SPTLC3: variants seen among roughly 807,000 people sequenced by gnomAD.
The protein encoded by SPTLC3 is serine palmitoyltransferase 3.
SPTLC3 carries 36 observed loss-of-function variants against 59.3 expected under a neutral mutation model. That is an observed-to-expected ratio of 0.61 (90% CI 0.47 to 0.80). SPTLC3 has a LOEUF of 0.80. Among genes scored for constraint, SPTLC3 ranks in the 30% least tolerant of loss-of-function variants. The pLI is 0.00. For missense variants in SPTLC3, 625 were observed against 685.1 expected, an observed-to-expected ratio of 0.91 and a Z score of 0.98; for synonymous variants, 257 against 240.8, an observed-to-expected ratio of 1.07 and a Z score of -0.62.
chr20:13,121,474 C>T (rs1338868327), intron 8 of SPTLC3, among the ~76,000 whole-genome samples: 7 of 152,282 alleles, frequency 4.6e-5, no homozygotes, highest in African/African-American at 1.7e-4. Flanking sequence ...TGTCTGATTT[C>T]CTCCCAAAAG....
chr20:13,113,444 G>A (rs1990355455), intron 7 of SPTLC3, among the ~76,000 whole-genome samples: 1 of 152,068 alleles, frequency 6.6e-6, no homozygotes, highest in African/African-American at 2.4e-5. Context: ...AACCCCCAAA[G>A]AGAGCAGTCA....
At chr20:13,151,341 C>A (rs1044030414) in intron 9 of SPTLC3, among the ~76,000 whole-genome samples, 4 of 152,162 alleles carry the variant, frequency 2.6e-5, no homozygotes, top group African/African-American at 9.7e-5. Context: ...CTATGATAGA[C>A]CAGTGTATGG....
rs1045487746 is a variant in SPTLC3 at position 13,166,582 on chromosome 20, G to A, written c.*1715G>A. 1.3e-5 allele frequency: 2 copies of A among 152,178 alleles called. No individual in the cohort carries two copies. The highest frequency in any genetic ancestry group is 6.5e-5 in the Admixed American group (1 of 15,270). The allele number at this position is 152,178 out of a possible 1,614,324, so 9.4% of individuals were successfully genotyped here. ...AGTATTATTTGTGCAAATAAAATGT[G>A]TCATAAATATGCAAAGAAAGGGAGA... On this transcript the variant is annotated 3_prime_UTR_variant, in exon 12 of 12. Transcript: ENST00000399002.
At chr20:13,079,572 G>A (rs8119959) in intron 4 of SPTLC3, among the ~76,000 whole-genome samples, 41,841 of 152,150 alleles carry the variant, frequency 0.27, 5,918 homozygotes, top group Middle Eastern at 0.35. Context: ...TGAGTAAAAT[G>A]AAACTACTGA....
intron 8 of SPTLC3, among the ~76,000 whole-genome samples, chr20:13,125,991 C>T (rs1488808856): frequency 6.6e-6 from 1 of 152,178 alleles, no homozygotes. Flanking sequence ...TTCCTTTGTT[C>T]AACTTCTCTC....
chr20:13,049,182 G>T (rs758100424), intron 2 of SPTLC3, 52 bp downstream of exon 2: 1 of 1,592,486 alleles, frequency 6.3e-7, no homozygotes, highest in South Asian at 1.1e-5. Context: ...CCTCTCTAAA[G>T]TGTTCTCAGA....
intron 10 of SPTLC3, among the ~76,000 whole-genome samples, chr20:13,159,169 AG>A (rs2038839954): frequency 2.0e-5 from 3 of 152,240 alleles, no homozygotes; most frequent in African/African-American, 7.2e-5. Context: ...GCTCTGGAAA[AG>A]AAATAGACTA....
rs1299194425 is a variant in SPTLC3, at chr20:13,166,390, G to A, written c.*1523G>A. The A allele has an allele frequency of 1.3e-5, 2 of 152,452 alleles. No homozygotes were observed. Among genetic ancestry groups the A allele is most frequent in the African/African-American group, 4.8e-5 (2 of 41,570 alleles). 9.4% of individuals were successfully genotyped at this position (152,452 alleles called of 1,614,324 possible). Reference sequence around the variant, plus strand: ...ATGGGGAAATTATAACTCCAAGTGGGTGCATTGGTTTAAAAATGGATCACA... The same window carrying A: ...ATGGGGAAATTATAACTCCAAGTGGATGCATTGGTTTAAAAATGGATCACA... On this transcript the variant is annotated 3_prime_UTR_variant, in exon 12 of 12. Transcript: ENST00000399002.
At chr20:13,154,842 A>G (rs1436713378) in intron 10 of SPTLC3, among the ~76,000 whole-genome samples, 1 of 152,162 alleles carries the variant, frequency 6.6e-6, no homozygotes, top group Non-Finnish European at 1.5e-5. Context: ...CCCTTCTCCA[A>G]CCTGCTGGAG....
In SPTLC3 at chr20:13,030,296, T is replaced by C. The variant is rs559275036; in HGVS notation, c.118-18649T>C. The stretch of plus-strand genomic sequence containing the variant: ...GCCTTTTGAATTTTGGTCAGAGACT[T>C]GAAATTTCAGAACCAACTAAGTAAG... On this transcript the variant is annotated intron_variant, in intron 1 of 11. Transcript: ENST00000399002. 4.6e-5 allele frequency among the ~76,000 whole-genome samples: 7 copies of C among 152,354 alleles called. No homozygotes were observed. The South Asian group carries it at 1.4e-3, about 32-fold the overall frequency.
chr20:13,059,771 G>A (rs1987876300), intron 2 of SPTLC3, among the ~76,000 whole-genome samples: 1 of 152,112 alleles, frequency 6.6e-6, no homozygotes, highest in African/African-American at 2.4e-5. Flanking sequence ...GAGCCCTCAA[G>A]CCCTTGATTT....
intron 4 of SPTLC3, among the ~76,000 whole-genome samples, chr20:13,087,172 C>T (rs1044516364): frequency 2.0e-5 from 3 of 152,138 alleles, no homozygotes; most frequent in African/African-American, 7.2e-5. Context: ...TTAGACATAC[C>T]CACTTCTCAT....
intron 9 of SPTLC3, among the ~76,000 whole-genome samples, chr20:13,146,426 T>A (rs185139510): frequency 2.5e-3 from 387 of 152,098 alleles, no homozygotes; most frequent in Non-Finnish European, 4.4e-3. Flanking sequence ...AAACCTAAAA[T>A]TAAAATTAAA....
chr20:13,065,980 A>G (rs1422247298), intron 2 of SPTLC3, among the ~76,000 whole-genome samples: 2 of 152,242 alleles, frequency 1.3e-5, no homozygotes, highest in African/African-American at 2.4e-5. Context: ...ATTATTAACT[A>G]TAGTCACCAT....
chr20:13,074,139 G>C, intron 3 of SPTLC3: 1 of 732,308 alleles, frequency 1.4e-6, no homozygotes, highest in Non-Finnish European at 2.5e-6. Context: ...TGGCTGAGGG[G>C]GTCTGGATCC....
At chr20:13,120,812 C>T (rs942746882) in intron 8 of SPTLC3, among the ~76,000 whole-genome samples, 1 of 152,202 alleles carries the variant, frequency 6.6e-6, no homozygotes, top group African/African-American at 2.4e-5. Flanking sequence ...AGGCTGTGAT[C>T]CCCACTTTCC....
intron 4 of SPTLC3, among the ~76,000 whole-genome samples, chr20:13,080,611 A>G (rs886710225): frequency 3.3e-5 from 5 of 152,056 alleles, no homozygotes; most frequent in African/African-American, 2.4e-5. Context: ...AGATATTGAG[A>G]TATCCTTTTT....
intron 4 of SPTLC3, among the ~76,000 whole-genome samples, chr20:13,089,439 T>A (rs1309499962): frequency 9.9e-5 from 15 of 152,214 alleles, no homozygotes; most frequent in Non-Finnish European, 2.9e-5. Context: ...AATTATACAT[T>A]TTCTTTAACA....
intron 9 of SPTLC3, among the ~76,000 whole-genome samples, chr20:13,135,000 T>C (rs2038210891): frequency 6.6e-6 from 1 of 152,176 alleles, no homozygotes; most frequent in African/African-American, 2.4e-5. Context: ...CTCACAACAG[T>C]CACTCCCTAA....
Sources: gnomAD v4.1 joint callset for allele counts (sites outside exome capture counted in the v4.1 genomes callset) on GRCh38, gnomAD v4.1.1 for gene constraint, MANE v1.5 for transcripts, NCBI Gene and HGNC (gene_info 2026-07-23, HGNC 2026-07-21) for gene names.